The following TTC27 variants were observed in gnomAD, a reference collection of about 807,000 sequenced individuals.
The protein encoded by TTC27 is tetratricopeptide repeat domain 27.
A neutral mutation model predicts 115.9 loss-of-function variants in TTC27; 79 were observed. The ratio of observed to expected loss-of-function variants is 0.68; its 90% confidence interval spans 0.57 to 0.82. The LOEUF is 0.82. TTC27 is among the 40% of genes least tolerant of loss of function. The probability of loss-of-function intolerance (pLI) is 0.00; values close to 1 mark genes in which losing one functional copy is unlikely to be tolerated. For missense variants in TTC27, 1,054 were observed against 993.1 expected (o/e 1.06, Z -0.82); for synonymous variants, 401 against 356.0 (o/e 1.13, Z -1.42).
intron 10 of TTC27, among the ~76,000 whole-genome samples, chr2:32,729,691 G>C (rs141777495): frequency 6.6e-6 from 1 of 151,778 alleles, no homozygotes; most frequent in African/African-American, 2.4e-5. Flanking sequence ...GCGCCCCAGG[G>C]GCCTCCTCTC....
chr2:32,795,619 C>T lies in TTC27; in HGVS notation c.1998+8470C>T, dbSNP rs919975805. On this transcript the variant is annotated intron_variant, in intron 16 of 19. Transcript: ENST00000317907. ...CCAGGCTGGAGTGCAGTGGCATGAT[C>T]TCTGCTCACTGCAACTTCCACCTCC... Among the ~76,000 whole-genome samples, 10 of 150,730 alleles carry T rather than the reference C, an allele frequency of 6.6e-5. No individual in the cohort carries two copies. The East Asian group carries it at 1.7e-3, about 26-fold the overall frequency.
At chr2:32,785,662 C>T (rs1670323439) in intron 15 of TTC27, among the ~76,000 whole-genome samples, 1 of 152,200 alleles carries the variant, frequency 6.6e-6, no homozygotes, top group South Asian at 2.1e-4. Flanking sequence ...GTGGCGCGAT[C>T]TCAGCGCACT....
chr2:32,760,368 G>C (rs1446775742), intron 13 of TTC27, among the ~76,000 whole-genome samples: 1 of 152,168 alleles, frequency 6.6e-6, no homozygotes, highest in African/African-American at 2.4e-5. Flanking sequence ...GTCCCCCAGA[G>C]GACGTTTGGC....
chr2:32,784,562 C>A (rs376934800), intron 15 of TTC27, among the ~76,000 whole-genome samples: 4 of 152,140 alleles, frequency 2.6e-5, no homozygotes, highest in African/African-American at 9.7e-5. Context: ...CCTATCAGTC[C>A]CATGTAAAAA....
chr2:32,656,641 T>C (rs578090180), intron 5 of TTC27, among the ~76,000 whole-genome samples: 1 of 152,166 alleles, frequency 6.6e-6, no homozygotes, highest in Non-Finnish European at 1.5e-5. Flanking sequence ...CCGAGGATAT[T>C]ATTTGAGCTG....
chr2:32,628,411 A>C (rs770002094), intron 1 of TTC27, 31 bp downstream of exon 1: 21 of 1,535,206 alleles, frequency 1.4e-5, no homozygotes, highest in Non-Finnish European at 1.5e-5. Context: ...GCCTTAGGCT[A>C]TCGTGGGAAC....
At chr2:32,773,462 T>C (rs1460226643) in intron 13 of TTC27, among the ~76,000 whole-genome samples, 2 of 152,216 alleles carry the variant, frequency 1.3e-5, no homozygotes, top group African/African-American at 4.8e-5. Flanking sequence ...CTGCCCTGTT[T>C]CCCCCTCTCT....
chr2:32,728,744 A>C (rs1668196011), intron 10 of TTC27, among the ~76,000 whole-genome samples: 1 of 152,186 alleles, frequency 6.6e-6, no homozygotes, highest in South Asian at 2.1e-4. Context: ...TGTTCTATGT[A>C]TGAGGAAAGA....
intron 10 of TTC27, among the ~76,000 whole-genome samples, chr2:32,715,536 C>T (rs1392932704): frequency 6.6e-6 from 1 of 151,976 alleles, no homozygotes; most frequent in Non-Finnish European, 1.5e-5. Context: ...CATCTGTTCT[C>T]GATACTGTGT....
At chr2:32,660,231 C>A (rs1214834126) in intron 5 of TTC27, among the ~76,000 whole-genome samples, 1 of 152,144 alleles carries the variant, frequency 6.6e-6, no homozygotes, top group Non-Finnish European at 1.5e-5. Context: ...GATGGTATCT[C>A]ATTGTGGTTT....
At chr2:32,784,156 A>T (rs565276934) in intron 15 of TTC27, among the ~76,000 whole-genome samples, 1 of 152,274 alleles carries the variant, frequency 6.6e-6, no homozygotes, top group East Asian at 1.9e-4. Context: ...GGCAACCCGG[A>T]TAAGTTTGTA....
chr2:32,646,418 C>T (rs1008209157), intron 4 of TTC27, among the ~76,000 whole-genome samples: 23 of 152,094 alleles, frequency 1.5e-4, no homozygotes, highest in African/African-American at 5.3e-4. Context: ...ATCTTCCTAC[C>T]TTGGCTTCCC....
chr2:32,686,293 A>T (rs1381409336), intron 9 of TTC27, among the ~76,000 whole-genome samples: 1 of 151,874 alleles, frequency 6.6e-6, no homozygotes, highest in African/African-American at 2.4e-5. Context: ...CAGAATCCCC[A>T]TAGGCATTTT....
In TTC27 at chr2:32,817,452, T is replaced by C; in HGVS notation, c.2309-5T>C. 6.2e-7 allele frequency: 1 copy of C among 1,612,338 alleles called. No individual in the cohort carries two copies. The highest frequency in any genetic ancestry group is 8.5e-7 in the Non-Finnish European group (1 of 1,178,448). ...TGGATGTTTCTCTCCATACTTATCT[T>C]CCAGTGGCCATAAAATGCAGTAAAA... On this transcript the variant is annotated splice_polypyrimidine_tract_variant and splice_region_variant and intron_variant, in intron 18 of 19. Coordinates refer to ENST00000317907, the MANE Select transcript of TTC27 (RefSeq NM_017735.5).
chr2:32,764,073 T>C (rs1669539760), intron 13 of TTC27, among the ~76,000 whole-genome samples: 1 of 152,066 alleles, frequency 6.6e-6, no homozygotes, highest in Non-Finnish European at 1.5e-5. Context: ...AAGAGAAATA[T>C]TATGTCCTGT....
At chr2:32,733,469 A>G (rs1168962396) in intron 10 of TTC27, among the ~76,000 whole-genome samples, 1 of 152,232 alleles carries the variant, frequency 6.6e-6, no homozygotes, top group African/African-American at 2.4e-5. Context: ...GATTTATATT[A>G]TAAAGTGCCA....
At chr2:32,701,854 A>C (rs1380129894) in intron 9 of TTC27, among the ~76,000 whole-genome samples, 1 of 152,062 alleles carries the variant, frequency 6.6e-6, no homozygotes, top group East Asian at 1.9e-4. Flanking sequence ...AAAATAAAAT[A>C]AAATAAATTA....
intron 9 of TTC27, among the ~76,000 whole-genome samples, chr2:32,694,219 A>G: frequency 6.6e-6 from 1 of 152,354 alleles, no homozygotes; most frequent in Non-Finnish European, 1.5e-5. Flanking sequence ...AATTAACAAC[A>G]TGTAGTATTT....
intron 9 of TTC27, among the ~76,000 whole-genome samples, chr2:32,701,299 C>T (rs562053446): frequency 6.6e-6 from 1 of 152,236 alleles, no homozygotes; most frequent in Non-Finnish European, 1.5e-5. Flanking sequence ...TCCAAGTCCT[C>T]TTTTTACATT....
Sources: allele counts gnomAD v4.1 joint callset (sites outside exome capture counted in the v4.1 genomes callset), GRCh38; gene constraint gnomAD v4.1.1; transcripts MANE v1.5; gene names NCBI Gene and HGNC (gene_info 2026-07-23, HGNC 2026-07-21).